The following HMCN1 variants were observed in gnomAD, a reference collection of about 807,000 sequenced individuals.
HMCN1 encodes hemicentin 1, also known as hemicentin-1.
A neutral mutation model predicts 625.9 loss-of-function variants in HMCN1; 321 were observed. The observed-to-expected ratio is 0.51, with a 90% CI of 0.47 to 0.56. HMCN1 has a LOEUF of 0.56. Ranked by LOEUF, HMCN1 falls within the 20% of genes least tolerant of loss-of-function variation. The probability of loss-of-function intolerance (pLI) is 0.00; values close to 1 mark genes in which losing one functional copy is unlikely to be tolerated. For missense variants in HMCN1, 6,588 were observed against 6,887.3 expected (o/e 0.96, Z 1.54); for synonymous variants, 2,425 against 2,417.6 (o/e 1.00, Z -0.09).
At chr1:186,098,941 A>G (rs545138141) in intron 68 of HMCN1, among the ~76,000 whole-genome samples, 2 of 152,210 alleles carry the variant, frequency 1.3e-5, no homozygotes, top group Non-Finnish European at 2.9e-5. Flanking sequence ...AAAATACCAC[A>G]TGATTTCATT....
intron 11 of HMCN1, among the ~76,000 whole-genome samples, chr1:185,956,715 C>T (rs1471007328): frequency 1.3e-5 from 2 of 152,114 alleles, no homozygotes; most frequent in East Asian, 1.9e-4. Context: ...CCTTCATCTC[C>T]TCTCCCTTCC....
chr1:186,074,355 A>T (rs1658664502), intron 52 of HMCN1, among the ~76,000 whole-genome samples: 1 of 137,746 alleles, frequency 7.3e-6, no homozygotes, highest in Admixed American at 7.8e-5. Context: ...TCATAAAGAA[A>T]TTCTAACATT....
chr1:185,958,458 G>A (rs1649776666), intron 11 of HMCN1, among the ~76,000 whole-genome samples: 2 of 152,170 alleles, frequency 1.3e-5, no homozygotes, highest in South Asian at 4.1e-4. Context: ...ATGTAAGTGT[G>A]AGGATTGTGG....
intron 2 of HMCN1, among the ~76,000 whole-genome samples, chr1:185,855,360 A>T (rs1246326910): frequency 6.6e-6 from 1 of 152,168 alleles, no homozygotes; most frequent in Non-Finnish European, 1.5e-5. Flanking sequence ...CTGAAGGGTG[A>T]CTGAGAATAC....
chr1:185,989,429 T>C, intron 20 of HMCN1, 59 bp from the exon 21 acceptor site: 1 of 1,591,554 alleles, frequency 6.3e-7, no homozygotes, highest in South Asian at 1.1e-5. Context: ...GTCACTCTTT[T>C]ATAATCTTGA....
chr1:185,918,764 T>C (rs1307699304), intron 6 of HMCN1, among the ~76,000 whole-genome samples: 1 of 152,142 alleles, frequency 6.6e-6, no homozygotes, highest in East Asian at 1.9e-4. Context: ...AGAAATTTTA[T>C]GAATAAATTG....
Position 186,115,088 on chromosome 1 carries a change from T to C in HMCN1, c.11404+142T>C, listed in dbSNP as rs974934679. On this transcript the variant is annotated intron_variant, in intron 74 of 106. Transcript: ENST00000271588. The stretch of plus-strand genomic sequence containing the variant: ...GGTATGAATAGCAAGCCCCAAGTTT[T>C]CTCCTTAGTATAGTTAATATCATCA... 3 of 1,414,900 alleles carry C rather than the reference T, an allele frequency of 2.1e-6. No homozygotes were observed. In the African/African-American group the frequency reaches 4.2e-5, roughly 20 times the overall value. The allele number at this position is 1,414,900 out of a possible 1,614,324, so 87.6% of individuals were successfully genotyped here.
intron 1 of HMCN1, among the ~76,000 whole-genome samples, chr1:185,792,308 T>C (rs1658063739): frequency 6.6e-6 from 1 of 152,186 alleles, no homozygotes; most frequent in African/African-American, 2.4e-5. Flanking sequence ...AAGTGAAATA[T>C]AAGGTTTTAA....
chr1:185,996,480 G>C (rs1428751421), intron 24 of HMCN1, among the ~76,000 whole-genome samples: 1 of 152,128 alleles, frequency 6.6e-6, no homozygotes, highest in East Asian at 1.9e-4. Context: ...CCAGACTAAT[G>C]AAGTTAGACT....
At chr1:186,044,619 A>G (rs933378445) in intron 40 of HMCN1, among the ~76,000 whole-genome samples, 1 of 152,164 alleles carries the variant, frequency 6.6e-6, no homozygotes, top group Non-Finnish European at 1.5e-5. Context: ...TTCTACCAGA[A>G]CATTTTAGTA....
chr1:185,954,547 A>T (rs1166933511), intron 11 of HMCN1, among the ~76,000 whole-genome samples: 1 of 152,120 alleles, frequency 6.6e-6, no homozygotes, highest in African/African-American at 2.4e-5. Context: ...TTTAAACAAC[A>T]ATCAACAATT....
At chr1:185,880,605 G>A (rs1472287817) in intron 4 of HMCN1, among the ~76,000 whole-genome samples, 1 of 152,124 alleles carries the variant, frequency 6.6e-6, no homozygotes, top group Admixed American at 6.5e-5. Context: ...TGCATTTGCT[G>A]TTCCAGGCTG....
At chr1:186,156,408 TAATGACA>T (rs986443186) in intron 97 of HMCN1, among the ~76,000 whole-genome samples, 2 of 151,970 alleles carry the variant, frequency 1.3e-5, no homozygotes, top group Non-Finnish European at 2.9e-5. Flanking sequence ...AAAGAGTAAA[TAATGACA>T]AATGTGAAGA....
Position 186,088,173 on chromosome 1 carries a change from A to T in HMCN1, c.9474A>T (p.Arg3158Ser). Residue 3158 changes from arginine (R) to serine (S), a missense_variant, in exon 62 of 107, where the codon AGA becomes AGT. By Grantham distance (110) the Arg-to-Ser change is moderately radical. This residue lies in a region of HMCN1 where 4,628 missense variants were observed against 4,853.1 expected (regional missense o/e 0.95). Transcript: ENST00000271588. ...CACCCAGTATTGAAGGACCTGAAAG[A>T]GAAGTGATTGTGGAGACGATCAGCA... ...YVPPSIEGPEREVIVETISNP... is the reference protein window; with the variant it reads ...YVPPSIEGPESEVIVETISNP... 6.2e-7 allele frequency: 1 copy of T among 1,611,426 alleles called. No individual in the cohort carries two copies. The highest frequency in any genetic ancestry group is 2.2e-5 in the East Asian group (1 of 44,702).
intron 40 of HMCN1, 141 bp from the exon 41 acceptor site, chr1:186,045,547 T>A: frequency 1.4e-6 from 1 of 695,802 alleles, no homozygotes. Context: ...AACCAAGTGA[T>A]GCAAAGTGAT....
rs528815746 is a variant in HMCN1 at position 186,065,538 on chromosome 1, T to C, written c.7705+109T>C. ...GTTTCCGTCGTAGAATTTCATCATG[T>C]AAGGAGGACCAGTGCTTGTGTACAT... On this transcript the variant is annotated intron_variant, in intron 49 of 106. Coordinates refer to ENST00000271588, the MANE Select transcript of HMCN1 (RefSeq NM_031935.3). 24 of 741,948 alleles carry C rather than the reference T, an allele frequency of 3.2e-5. No individual in the cohort carries two copies. The East Asian group carries it at 6.6e-4, about 20-fold the overall frequency. The allele number at this position is 741,948 out of a possible 1,614,324, so 46.0% of individuals were successfully genotyped here. A position where few individuals can be genotyped will look rare whatever the true frequency, so the allele number is the denominator to read the frequency against.
In HMCN1 at chr1:186,055,572, C is replaced by T. The variant is rs1657260036; in HGVS notation, c.7042C>T (p.Leu2348Phe). The T allele has an allele frequency of 6.2e-7, 1 of 1,612,842 alleles. No individual in the cohort carries two copies. The highest frequency in any genetic ancestry group is 8.5e-7 in the Non-Finnish European group (1 of 1,179,226). Reference sequence around the variant, plus strand: ...AGAAATACTGGATGAAGGTCACATCCTTCAGCTGAAGAACATTCATGTATC... The same window carrying T: ...AGAAATACTGGATGAAGGTCACATCTTTCAGCTGAAGAACATTCATGTATC... Reference protein sequence around the residue: ...GVEILDEGHILQLKNIHVSDT... With the variant: ...GVEILDEGHIFQLKNIHVSDT... Residue 2348 changes from leucine (L) to phenylalanine (F), a missense_variant, in exon 45 of 107, where the codon CTT becomes TTT. Transcript: ENST00000271588.
chr1:186,114,769 C>T (rs372575151), intron 73 of HMCN1, 50 bp from the exon 74 acceptor site: 1 of 1,609,000 alleles, frequency 6.2e-7, no homozygotes, highest in African/African-American at 1.3e-5. Flanking sequence ...AAAATATGAA[C>T]AATCAAAAAA....
At chr1:185,964,895 T>C (rs1368531034) in intron 13 of HMCN1, among the ~76,000 whole-genome samples, 1 of 152,048 alleles carries the variant, frequency 6.6e-6, no homozygotes, top group African/African-American at 2.4e-5. Context: ...TTTTGGGCTA[T>C]CAGTGAAGCT....
Sources: gnomAD v4.1 joint callset for allele counts (sites outside exome capture counted in the v4.1 genomes callset) on GRCh38, gnomAD v4.1.1 for gene constraint, gnomAD v4.1.1 regional missense constraint, MANE v1.5 for transcripts, NCBI Gene and HGNC (gene_info 2026-07-23, HGNC 2026-07-21) for gene names.